The following MPDZ variants were observed in gnomAD, a reference collection of about 807,000 sequenced individuals.
The protein encoded by MPDZ is multiple PDZ domain crumbs cell polarity complex component.
MPDZ carries 234 observed loss-of-function variants against 239.1 expected under a neutral mutation model. The observed-to-expected ratio is 0.98, with a 90% CI of 0.88 to 1.09. The LOEUF is 1.09. Among genes scored for constraint, MPDZ ranks in the 50% least tolerant of loss-of-function variants. The pLI, the probability that MPDZ is intolerant of heterozygous loss-of-function variation, is 0.00. For missense variants in MPDZ, 3,175 were observed against 2,510.0 expected, an observed-to-expected ratio of 1.26 and a Z score of -5.66; for synonymous variants, 1,048 against 881.3, an observed-to-expected ratio of 1.19 and a Z score of -3.35.
rs371163123 is a variant in MPDZ, at chr9:13,219,592, G to C, written c.1053C>G (p.Leu351=). ...RTAPTALGIT[L]SSSPTSTPEL... Reference sequence around the variant, plus strand: ...CTGGTGTTGAAGTTGGGGATGAGGAGAGGGTGATGCCCAAAGCAGTGGGTG... The same window carrying C: ...CTGGTGTTGAAGTTGGGGATGAGGACAGGGTGATGCCCAAAGCAGTGGGTG... The change falls in exon 8 of 47, where the codon CTC becomes CTG. Residue 351 remains leucine, a synonymous_variant. Coordinates refer to ENST00000319217, the MANE Select transcript of MPDZ (RefSeq NM_001378778.1). 6.2e-7 allele frequency: 1 copy of C among 1,612,214 alleles called. No homozygotes were observed. Among genetic ancestry groups the C allele is most frequent in the African/African-American group, 1.3e-5 (1 of 74,918 alleles).
intron 26 of MPDZ, among the ~76,000 whole-genome samples, chr9:13,144,454 C>A (rs1948169275): frequency 6.6e-6 from 1 of 151,976 alleles, no homozygotes; most frequent in Non-Finnish European, 1.5e-5. Context: ...AAATTCTTCT[C>A]CTTCTTTTCA....
At chr9:13,245,324 A>C (rs186326370) in intron 3 of MPDZ, among the ~76,000 whole-genome samples, 1 of 152,104 alleles carries the variant, frequency 6.6e-6, no homozygotes. Context: ...GGAGATTTAA[A>C]AAACGAATCA....
intron 3 of MPDZ, among the ~76,000 whole-genome samples, chr9:13,233,699 C>A (rs1030896621): frequency 1.6e-4 from 24 of 152,104 alleles, no homozygotes; most frequent in African/African-American, 4.8e-4. Flanking sequence ...AACTCTGGGG[C>A]ATTCCAGTGA....
In MPDZ at chr9:13,150,507, G is replaced by A. The variant is rs748396545; in HGVS notation, c.3630+4C>T. On this transcript the variant is annotated splice_donor_region_variant and intron_variant, in intron 25 of 46. Transcript: ENST00000319217. ...TTTAGCACAGAAAGCTCACTAGAGG[G>A]TACCTCTACGATTCTATCTCCAGGT... 1 of 1,534,706 alleles carries A rather than the reference G, an allele frequency of 6.5e-7. No individual in the cohort carries two copies. The highest frequency in any genetic ancestry group is 8.8e-7 in the Non-Finnish European group (1 of 1,137,488).
In MPDZ at chr9:13,247,683, G is replaced by A. The variant is rs764057757; in HGVS notation, c.135C>T (p.Phe45=). 2.5e-6 allele frequency: 4 copies of A among 1,613,610 alleles called. No homozygotes were observed. The highest frequency in any genetic ancestry group is 1.7e-4 in the Middle Eastern group (1 of 6,054). ...LLKSVLQSPL[F]SQILSLQTSV... ...AAGTCTGAAGGCTCAGAATCTGACT[G>A]AAGAGAGGGCTCTGCAGGACTGACT... Residue 45 remains phenylalanine, a synonymous_variant, in exon 3 of 47, where the codon TTC becomes TTT. Transcript: ENST00000319217.
chr9:13,136,662 AGAAATG>A, intron 30 of MPDZ, 44 bp downstream of exon 30: 3 of 1,175,356 alleles, frequency 2.6e-6, no homozygotes, highest in Non-Finnish European at 3.7e-6. Flanking sequence ...AACTCAGAGA[AGAAATG>A]CTAACAAAAA....
chr9:13,240,841 T>C (rs1045946435), intron 3 of MPDZ, among the ~76,000 whole-genome samples: 2 of 152,060 alleles, frequency 1.3e-5, no homozygotes, highest in Non-Finnish European at 2.9e-5. Flanking sequence ...GGCCTATTAG[T>C]CTTAAATTTG....
intron 1 of MPDZ, among the ~76,000 whole-genome samples, chr9:13,251,940 G>C (rs900195652): frequency 2.6e-5 from 4 of 152,146 alleles, no homozygotes; most frequent in Non-Finnish European, 5.9e-5. Context: ...CTTGAGCAAG[G>C]GACCTATCAT....
chr9:13,126,651 T>C, intron 33 of MPDZ, 29 bp downstream of exon 33: 1 of 1,612,416 alleles, frequency 6.2e-7, no homozygotes, highest in Non-Finnish European at 8.5e-7. Context: ...CCCCAACTAC[T>C]TAATGACAGC....
chr9:13,278,652 G>A (rs1401338665), intron 1 of MPDZ, among the ~76,000 whole-genome samples: 1 of 152,152 alleles, frequency 6.6e-6, no homozygotes, highest in African/African-American at 2.4e-5. Flanking sequence ...CCATCAGCGC[G>A]GGGGGTGAGG....
At chr9:13,131,905 T>G (rs2132052979) in intron 32 of MPDZ, among the ~76,000 whole-genome samples, 1 of 152,298 alleles carries the variant, frequency 6.6e-6, no homozygotes, top group East Asian at 1.9e-4. Flanking sequence ...CCAGAGAAGT[T>G]AAGTGACTCC....
chr9:13,268,920 A>T (rs1185706971), intron 1 of MPDZ, among the ~76,000 whole-genome samples: 2 of 152,190 alleles, frequency 1.3e-5, no homozygotes, highest in Non-Finnish European at 2.9e-5. Flanking sequence ...GGATAGAGAA[A>T]ATTTATTTTC....
Position 13,165,318 on chromosome 9 carries a change from C to T in MPDZ, c.3255-2523G>A, listed in dbSNP as rs1365841787. 2.6e-6 allele frequency: 4 copies of T among 1,530,878 alleles called. No homozygotes were observed. The East Asian group carries it at 9.9e-5, about 38-fold the overall frequency. The allele number at this position is 1,530,878 out of a possible 1,614,324, so 94.8% of individuals were successfully genotyped here. A position where few individuals can be genotyped will look rare whatever the true frequency, so the allele number is the denominator to read the frequency against. On this transcript the variant is annotated intron_variant, in intron 22 of 46. Transcript: ENST00000319217. ...AAAAGCACAAAATTGTTTTCACAGA[C>T]AAGTTGTAACACACAGCCATAATGA...
In MPDZ at chr9:13,119,602, G is replaced by A. The variant is rs771361944; in HGVS notation, c.5279C>T (p.Ala1760Val). ...FVSDIVKGGI[A>V]DADGRLMQGD... is the part of the protein sequence containing the mutation. ...CTGCATCAGTCTTCCATCGGCATCTGCAATTCCTCCTTTGACAATGTCTGA... is the reference window on the plus strand; with the variant it reads ...CTGCATCAGTCTTCCATCGGCATCTACAATTCCTCCTTTGACAATGTCTGA... The change falls in exon 39 of 47, where the codon GCA becomes GTA. Residue 1760 changes from alanine (A) to valine (V), a missense_variant. Transcript: ENST00000319217. 1 of 1,613,872 alleles carries A rather than the reference G, an allele frequency of 6.2e-7. No individual in the cohort carries two copies.
intron 4 of MPDZ, among the ~76,000 whole-genome samples, chr9:13,223,927 A>G (rs2136368574): frequency 6.6e-6 from 1 of 152,068 alleles, no homozygotes; most frequent in Non-Finnish European, 1.5e-5. Flanking sequence ...CCAGATACTC[A>G]GGAGACTGAG....
Position 13,115,275 on chromosome 9 carries a change from T to C in MPDZ, c.5439A>G (p.Ser1813=). 6.2e-7 allele frequency: 1 copy of C among 1,612,738 alleles called. No individual in the cohort carries two copies. The highest frequency in any genetic ancestry group is 1.1e-5 in the South Asian group (1 of 91,044). The change falls in exon 40 of 47, where the codon TCA becomes TCG. Residue 1813 remains serine (S), a synonymous_variant. Coordinates refer to ENST00000319217, the MANE Select transcript of MPDZ (RefSeq NM_001378778.1). ...VGRIKAGPFH[S]ERRPSQSSQV... ...GGCTGCTTTGAGATGGCCTCCTCTC[T>C]GAATGGAATGGACCAGCTTTGATTC...
At chr9:13,171,651 G>C (rs184237975) in intron 21 of MPDZ, among the ~76,000 whole-genome samples, 11 of 152,214 alleles carry the variant, frequency 7.2e-5, no homozygotes, top group African/African-American at 2.4e-4. Context: ...ATATGCACGT[G>C]TATATTTATT....
At chr9:13,268,222 C>T (rs1465797688) in intron 1 of MPDZ, among the ~76,000 whole-genome samples, 2 of 150,986 alleles carry the variant, frequency 1.3e-5, no homozygotes, top group East Asian at 1.9e-4. Context: ...TATAATACAT[C>T]CCAAAAAACC....
At chr9:13,125,174 T>C in intron 35 of MPDZ, 42 bp downstream of exon 35, 1 of 1,478,866 alleles carries the variant, frequency 6.8e-7, no homozygotes. Flanking sequence ...TGAGTTCAGG[T>C]GTTCCATATG....
Sources: gnomAD v4.1 joint callset for allele counts (sites outside exome capture counted in the v4.1 genomes callset) on GRCh38, gnomAD v4.1.1 for gene constraint, MANE v1.5 for transcripts, NCBI Gene and HGNC (gene_info 2026-07-23, HGNC 2026-07-21) for gene names.